PXK: variants seen among roughly 807,000 people sequenced by gnomAD.
PXK encodes the protein PX domain-containing protein kinase-like protein.
PXK carries 35 observed loss-of-function variants against 84.7 expected under a neutral mutation model. That is an observed-to-expected ratio of 0.41 (90% CI 0.32 to 0.55). The LOEUF is 0.55. Ranked by LOEUF, PXK falls within the 20% of genes least tolerant of loss-of-function variation. PXK has a pLI of 0.21. For synonymous variants in PXK, 253 were observed against 260.8 expected, an observed-to-expected ratio of 0.97 and a Z score of 0.29; for missense variants, 634 against 699.7, an observed-to-expected ratio of 0.91 and a Z score of 1.06.
At chr3:58,381,244 G>T (rs1257710258) in intron 3 of PXK, among the ~76,000 whole-genome samples, 2 of 31,996 alleles carry the variant, frequency 6.3e-5, no homozygotes, top group South Asian at 2.0e-3. Context: ...GCGAGACTCC[G>T]TCTCAAAAAA....
Position 58,403,844 on chromosome 3 carries a change from TGTTTC to T in PXK, c.1182-17_1182-13del, listed in dbSNP as rs774199536. Reference sequence around the variant, plus strand: ...ACGTGGTTCAAGAAAGATTTTTGTTTGTTTCTTTTCTTTACAGATTATTCAGCGAT... The same window carrying T: ...ACGTGGTTCAAGAAAGATTTTTGTTTTTTTCTTTACAGATTATTCAGCGAT... On this transcript the variant is annotated splice_polypyrimidine_tract_variant and intron_variant, in intron 12 of 17. Coordinates refer to ENST00000356151, the MANE Select transcript of PXK (RefSeq NM_017771.5). The T allele has an allele frequency of 3.2e-5, 48 of 1,516,622 alleles. No individual in the cohort carries two copies. Among genetic ancestry groups the T allele is most frequent in the Non-Finnish European group, 4.1e-5 (46 of 1,116,972 alleles). 93.9% of individuals were successfully genotyped at this position (1,516,622 alleles called of 1,614,324 possible).
chr3:58,415,844 A>G (rs751748211), intron 17 of PXK, among the ~76,000 whole-genome samples: 2 of 152,228 alleles, frequency 1.3e-5, no homozygotes, highest in Non-Finnish European at 2.9e-5. Context: ...CAGAAGCTAC[A>G]GGCAAAATTA....
At chr3:58,404,588 A>C (rs1390085608) in intron 13 of PXK, among the ~76,000 whole-genome samples, 2 of 152,222 alleles carry the variant, frequency 1.3e-5, no homozygotes, top group African/African-American at 4.8e-5. Context: ...TTGAGTCTGC[A>C]TGTACTCATG....
In PXK at chr3:58,412,863, G is replaced by A. The variant is rs777583646; in HGVS notation, c.1466-38G>A. 3.6e-5 allele frequency: 58 copies of A among 1,608,602 alleles called. No individual in the cohort carries two copies. The highest frequency in any genetic ancestry group is 1.1e-4 in the East Asian group (5 of 44,866). ...CTGGGCCAAATTCCAAATGTCTTTCGTTGGTCCCCATGAGGGTTTCTCTGT... is the reference window on the plus strand; with the variant it reads ...CTGGGCCAAATTCCAAATGTCTTTCATTGGTCCCCATGAGGGTTTCTCTGT... On this transcript the variant is annotated intron_variant, in intron 16 of 17. Transcript: ENST00000356151. The surrounding 1 kb of genome is among the most constrained non-coding windows in gnomAD (Gnocchi z 6.2).
At chr3:58,386,289 A>ATTTTTTTTTTTT (rs2098549912) in intron 4 of PXK, among the ~76,000 whole-genome samples, 4 of 43,464 alleles carry the variant, frequency 9.2e-5, no homozygotes, top group African/African-American at 2.8e-4. Flanking sequence ...TATCCCCCTT[A>ATTTTTTTTTTTT]CTTTTTTTTT....
In PXK at chr3:58,341,367, G is replaced by A. The variant is rs375589603; in HGVS notation, c.102+8277G>A. On this transcript the variant is annotated intron_variant, in intron 1 of 17. Transcript: ENST00000356151. ...ACTTGAGGTCAGGAGGTTGAGACTA[G>A]CCTGGCCAACATGGGGAAACCCTGT... Among the ~76,000 whole-genome samples, 43 of 152,196 alleles carry A rather than the reference G, an allele frequency of 2.8e-4. No homozygotes were observed. The South Asian group carries it at 3.7e-3, about 13-fold the overall frequency.
At chr3:58,358,723 G>T (rs1474220952) in intron 1 of PXK, among the ~76,000 whole-genome samples, 2 of 152,122 alleles carry the variant, frequency 1.3e-5, no homozygotes, top group Non-Finnish European at 2.9e-5. Flanking sequence ...AACCTAAAAT[G>T]TTTCCAGGCA....
At chr3:58,408,208 CTCT>C (rs989048983) in intron 13 of PXK, among the ~76,000 whole-genome samples, 12 of 152,334 alleles carry the variant, frequency 7.9e-5, no homozygotes, top group Middle Eastern at 3.4e-3. Flanking sequence ...TCTGGGCTCT[CTCT>C]TCTTCTTTTC....
intron 1 of PXK, among the ~76,000 whole-genome samples, chr3:58,344,604 A>G (rs941532620): frequency 1.3e-5 from 2 of 152,208 alleles, no homozygotes; most frequent in African/African-American, 4.8e-5. Flanking sequence ...TGGGCAGATC[A>G]CCTGAGGCCA....
intron 1 of PXK, among the ~76,000 whole-genome samples, chr3:58,363,843 T>G (rs2098228758): frequency 6.6e-6 from 1 of 152,202 alleles, no homozygotes; most frequent in Admixed American, 6.5e-5. Context: ...AAATACTGAG[T>G]CTTCCACCAT....
In PXK at chr3:58,409,410, C is replaced by T; in HGVS notation, c.1309-122C>T. The T allele has an allele frequency of 1.1e-6, 1 of 919,128 alleles. No homozygotes were observed. Among genetic ancestry groups the T allele is most frequent in the South Asian group, 1.5e-5 (1 of 65,622 alleles). 56.9% of individuals were successfully genotyped at this position (919,128 alleles called of 1,614,324 possible). ...AGACCCGAGCCAGGAAGTAGACAGC[C>T]TGAGCAAGGAAAGATTTTCTTTTAT... On this transcript the variant is annotated intron_variant, in intron 14 of 17. Transcript: ENST00000356151. The surrounding 1 kb of genome is among the most constrained non-coding windows in gnomAD (Gnocchi z 4.2).
rs1242849427 is a variant in PXK at position 58,399,274 on chromosome 3, A to G, written c.1103-25A>G. The G allele has an allele frequency of 6.2e-7, 1 of 1,608,770 alleles. No individual in the cohort carries two copies. Among genetic ancestry groups the G allele is most frequent in the Non-Finnish European group, 8.5e-7 (1 of 1,175,134 alleles). ...ATTTGCCAGCGTGTTCTGTGGAACTAAAATGTGTATCTGTTCATTTCAAGT... is the reference window on the plus strand; with the variant it reads ...ATTTGCCAGCGTGTTCTGTGGAACTGAAATGTGTATCTGTTCATTTCAAGT... On this transcript the variant is annotated intron_variant, in intron 11 of 17. Coordinates refer to ENST00000356151, the MANE Select transcript of PXK (RefSeq NM_017771.5). This position sits in a 1 kb window ranked among gnomAD's most constrained non-coding sequence, Gnocchi z 4.3.
At chr3:58,353,082 C>T (rs12629058) in intron 1 of PXK, among the ~76,000 whole-genome samples, 34,466 of 151,758 alleles carry the variant, frequency 0.23, 5,857 homozygotes, top group East Asian at 0.81. Context: ...CTGCAAGCTC[C>T]GCCTCCCGGA....
intron 1 of PXK, among the ~76,000 whole-genome samples, chr3:58,347,187 G>A (rs1405861782): frequency 6.6e-6 from 1 of 151,986 alleles, no homozygotes; most frequent in Non-Finnish European, 1.5e-5. Context: ...TGTCCCGGCT[G>A]GTCTCGAATT....
intron 4 of PXK, among the ~76,000 whole-genome samples, chr3:58,387,130 G>C (rs896580980): frequency 6.6e-6 from 1 of 152,144 alleles, no homozygotes; most frequent in Non-Finnish European, 1.5e-5. Flanking sequence ...CACTGGGGGC[G>C]CCTGGTACAA....
At chr3:58,363,860 T>G (rs2098228984) in intron 1 of PXK, among the ~76,000 whole-genome samples, 2 of 152,190 alleles carry the variant, frequency 1.3e-5, no homozygotes, top group Non-Finnish European at 2.9e-5. Context: ...CCATTAAGTA[T>G]GTCAGCTGTA....
intron 1 of PXK, among the ~76,000 whole-genome samples, chr3:58,341,723 G>C (rs2097735441): frequency 1.4e-5 from 2 of 142,246 alleles, no homozygotes; most frequent in African/African-American, 2.8e-5. Context: ...TTTTTTTTTG[G>C]TGAGGAGTCT....
At chr3:58,404,600 G>A (rs1335269674) in intron 13 of PXK, among the ~76,000 whole-genome samples, 1 of 152,160 alleles carries the variant, frequency 6.6e-6, no homozygotes, top group Non-Finnish European at 1.5e-5. Flanking sequence ...GTACTCATGT[G>A]TAAAATTGGT....
In PXK at chr3:58,395,113, A is replaced by G. The variant is rs927296563; in HGVS notation, c.720+11A>G. On this transcript the variant is annotated intron_variant, in intron 8 of 17. Transcript: ENST00000356151. Reference sequence around the variant, plus strand: ...GATCTGATCTACAAGGTACCTGTGCAAGTTCATGGTCATAAGGAATTCTCA... The same window carrying G: ...GATCTGATCTACAAGGTACCTGTGCGAGTTCATGGTCATAAGGAATTCTCA... 21 of 1,577,600 alleles carry G rather than the reference A, an allele frequency of 1.3e-5. No homozygotes were observed. The highest frequency in any genetic ancestry group is 1.7e-5 in the Non-Finnish European group (20 of 1,147,838).
Sources: allele counts gnomAD v4.1 joint callset (sites outside exome capture counted in the v4.1 genomes callset), GRCh38; gene constraint gnomAD v4.1.1; non-coding constraint Gnocchi (gnomAD v3.1); transcripts MANE v1.5; gene names NCBI Gene and HGNC (gene_info 2026-07-23, HGNC 2026-07-21).